BCAR3: variants seen among roughly 807,000 people sequenced by gnomAD.
The protein encoded by BCAR3 is BCAR3 adaptor protein, NSP family member.
Under a neutral mutation model 80.1 loss-of-function variants are expected in BCAR3, and 37 were observed. That is an observed-to-expected ratio of 0.46 (90% CI 0.36 to 0.61). The LOEUF (loss-of-function observed/expected upper bound fraction) is 0.61, where lower values mean the gene tolerates loss of function less well. Among genes scored for constraint, BCAR3 ranks in the 20% least tolerant of loss-of-function variants. BCAR3 has a pLI of 0.00. For synonymous variants in BCAR3, 389 were observed against 418.9 expected (o/e 0.93, Z 0.87); for missense variants, 978 against 1,068.2 (o/e 0.92, Z 1.18).
intron 2 of BCAR3, among the ~76,000 whole-genome samples, chr1:93,721,778 G>A (rs1160809335): frequency 6.6e-6 from 1 of 152,190 alleles, no homozygotes; most frequent in African/African-American, 2.4e-5. Context: ...GAGGCCATGT[G>A]ACAAAGTAGG....
At chr1:93,714,706 T>A (rs1206309472) in intron 2 of BCAR3, among the ~76,000 whole-genome samples, 1 of 148,862 alleles carries the variant, frequency 6.7e-6, no homozygotes, top group African/African-American at 2.5e-5. Flanking sequence ...CCGCCTTTCT[T>A]TTTTTTTTTT....
intron 2 of BCAR3, among the ~76,000 whole-genome samples, chr1:93,756,228 G>A (rs1264916924): frequency 3.9e-5 from 6 of 152,180 alleles, no homozygotes; most frequent in Non-Finnish European, 2.9e-5. Context: ...TTGTGTGTTA[G>A]TGCCCTTGGT....
upstream of BCAR3, among the ~76,000 whole-genome samples, chr1:93,683,933 A>C: frequency 6.6e-6 from 1 of 152,100 alleles, no homozygotes; most frequent in East Asian, 1.9e-4. Context: ...ACTCCAAAGA[A>C]ATTTTTTTTA....
intron 2 of BCAR3, among the ~76,000 whole-genome samples, chr1:93,818,606 C>T (rs1409936200): frequency 1.3e-5 from 2 of 152,234 alleles, no homozygotes; most frequent in Non-Finnish European, 2.9e-5. Context: ...GGTAACAGTA[C>T]TTTCCATCAT....
chr1:93,796,730 T>C (rs954605756), intron 2 of BCAR3, among the ~76,000 whole-genome samples: 39 of 152,236 alleles, frequency 2.6e-4, no homozygotes, highest in Admixed American at 6.5e-5. Flanking sequence ...AATATCCATT[T>C]CCTATATATT....
At chr1:93,566,063 C>G (rs1399895623) in intron 11 of BCAR3, among the ~76,000 whole-genome samples, 1 of 152,194 alleles carries the variant, frequency 6.6e-6, no homozygotes. Flanking sequence ...GTGACACCCT[C>G]CCATGATTAA....
chr1:93,750,546 G>A (rs1414174139), intron 2 of BCAR3, among the ~76,000 whole-genome samples: 1 of 152,206 alleles, frequency 6.6e-6, no homozygotes, highest in Non-Finnish European at 1.5e-5. Context: ...TGACCTTAGA[G>A]ACTCACTTAC....
chr1:93,835,097 T>C (rs1654715925), intron 2 of BCAR3, among the ~76,000 whole-genome samples: 1 of 152,204 alleles, frequency 6.6e-6, no homozygotes, highest in African/African-American at 2.4e-5. Flanking sequence ...ATTCATTGCC[T>C]TAACTTGGGC....
chr1:93,574,337 G>A (rs923544512), intron 8 of BCAR3, among the ~76,000 whole-genome samples: 2 of 152,212 alleles, frequency 1.3e-5, no homozygotes, highest in Non-Finnish European at 2.9e-5. Context: ...ATTCTCAAAT[G>A]CAAGAAGGTG....
At chr1:93,639,766 C>G (rs564151882) in intron 3 of BCAR3, among the ~76,000 whole-genome samples, 16 of 151,700 alleles carry the variant, frequency 1.1e-4, no homozygotes, top group Non-Finnish European at 1.9e-4. Context: ...TGTGAGCCAC[C>G]GCACCCAGCA....
At position 93,721,001 on chromosome 1, in the gene BCAR3, G is replaced by A. The variant is rs77758813; in HGVS notation, c.-62-14859C>T. Reference sequence around the variant, plus strand: ...AGCAGGGCTAGCCTGAGCCAGCTCCGCAGGTGCTTCTGGCTGAGGCGAGGC... The same window carrying A: ...AGCAGGGCTAGCCTGAGCCAGCTCCACAGGTGCTTCTGGCTGAGGCGAGGC... On this transcript the variant is annotated intron_variant, in intron 2 of 13. Transcript: ENST00000370244. 4.3e-3 allele frequency among the ~76,000 whole-genome samples: 652 copies of A among 152,314 alleles called. 2 individuals are homozygous for A. Among genetic ancestry groups the A allele is most frequent in the Middle Eastern group, 0.01 (3 of 294 alleles).
chr1:93,791,019 T>C (rs1653134610), intron 2 of BCAR3, among the ~76,000 whole-genome samples: 1 of 82,968 alleles, frequency 1.2e-5, no homozygotes, highest in Middle Eastern at 5.2e-3. Flanking sequence ...TTCCATGGTG[T>C]ACATGTGCCA....
At chr1:93,672,038 A>C (rs1295289182) in intron 2 of BCAR3, among the ~76,000 whole-genome samples, 1 of 152,210 alleles carries the variant, frequency 6.6e-6, no homozygotes, top group African/African-American at 2.4e-5. Flanking sequence ...TTTAACAATA[A>C]GATATTTTCA....
At chr1:93,754,735 A>G (rs533516588) in intron 2 of BCAR3, among the ~76,000 whole-genome samples, 1 of 152,364 alleles carries the variant, frequency 6.6e-6, no homozygotes, top group South Asian at 2.1e-4. Flanking sequence ...AGAGAAGCCT[A>G]GCACATACAA....
chr1:93,739,067 G>A (rs1651092249), intron 2 of BCAR3, among the ~76,000 whole-genome samples: 1 of 152,152 alleles, frequency 6.6e-6, no homozygotes, highest in Non-Finnish European at 1.5e-5. Context: ...GGACAATACT[G>A]AACGTTTTTC....
At chr1:93,567,914 T>C in intron 9 of BCAR3, 63 bp from the exon 10 acceptor site, 1 of 1,411,784 alleles carries the variant, frequency 7.1e-7, no homozygotes, top group Non-Finnish European at 1.0e-6. Flanking sequence ...TGGCTGGGCG[T>C]GGTAGCTCAC....
chr1:93,828,608 A>G (rs903125366), intron 2 of BCAR3, among the ~76,000 whole-genome samples: 3 of 152,142 alleles, frequency 2.0e-5, no homozygotes, highest in African/African-American at 7.2e-5. Context: ...ATTTCTACAC[A>G]GCTGTTCATC....
intron 7 of BCAR3, among the ~76,000 whole-genome samples, chr1:93,579,114 C>G (rs999163385): frequency 5.9e-5 from 9 of 152,164 alleles, no homozygotes; most frequent in African/African-American, 2.2e-4. Flanking sequence ...CACAGCAGGA[C>G]AGGGAGCCTG....
intron 2 of BCAR3, among the ~76,000 whole-genome samples, chr1:93,798,073 G>C (rs567578330): frequency 2.0e-5 from 3 of 152,156 alleles, no homozygotes; most frequent in Non-Finnish European, 4.4e-5. Context: ...TGTGGGTGAG[G>C]GTTTCCAGTA....
Sources: gnomAD v4.1 joint callset for allele counts (sites outside exome capture counted in the v4.1 genomes callset) on GRCh38, gnomAD v4.1.1 for gene constraint, MANE v1.5 for transcripts, NCBI Gene and HGNC (gene_info 2026-07-23, HGNC 2026-07-21) for gene names.